Variants in PGBD5 observed in about 807,000 individuals in gnomAD.
PGBD5 encodes piggyBac transposable element derived 5, also known as piggyBac transposable element-derived protein 5.
A neutral mutation model predicts 47.9 loss-of-function variants in PGBD5; 14 were observed. The observed-to-expected ratio is 0.29, with a 90% CI of 0.19 to 0.46. The LOEUF (loss-of-function observed/expected upper bound fraction) is 0.46, where lower values mean the gene tolerates loss of function less well. Ranked by LOEUF, PGBD5 falls within the 20% of genes least tolerant of loss-of-function variation. PGBD5 has a pLI of 1.00. For synonymous variants in PGBD5, 316 were observed against 306.3 expected, an observed-to-expected ratio of 1.03 and a Z score of -0.33; for missense variants, 635 against 716.0, an observed-to-expected ratio of 0.89 and a Z score of 1.29.
chr1:230,367,784 CG>C (rs2102714811), intron 1 of PGBD5, among the ~76,000 whole-genome samples: 1 of 152,284 alleles, frequency 6.6e-6, no homozygotes, highest in Admixed American at 6.5e-5. Context: ...AAAAACACTC[CG>C]GCATACTCCG....
chr1:230,396,237 CACT>C, intron 1 of PGBD5, among the ~76,000 whole-genome samples: 1 of 10,098 alleles, frequency 9.9e-5, no homozygotes, highest in Non-Finnish European at 1.7e-4. Flanking sequence ...TTTACCCCCA[CACT>C]CCTCCCTTTT....
chr1:230,325,153 G>A (rs1667095167), intron 6 of PGBD5, among the ~76,000 whole-genome samples, 157 bp downstream of exon 6: 1 of 152,194 alleles, frequency 6.6e-6, no homozygotes, highest in Admixed American at 6.5e-5. Flanking sequence ...GCACAGGCGA[G>A]GCCCAGAAGC....
intron 3 of PGBD5, among the ~76,000 whole-genome samples, chr1:230,342,110 C>A (rs1471964986): frequency 6.6e-6 from 1 of 152,166 alleles, no homozygotes; most frequent in Non-Finnish European, 1.5e-5. Flanking sequence ...CCCACGACCT[C>A]CAGAGACAGG....
At chr1:230,350,793 G>A (rs3860331) in intron 3 of PGBD5, among the ~76,000 whole-genome samples, 165 bp downstream of exon 3, 15,443 of 152,260 alleles carry the variant, frequency 0.1, 2,484 homozygotes, top group African/African-American at 0.34. Context: ...TCGGTGAGGA[G>A]GGAGCAGCCC....
intron 5 of PGBD5, among the ~76,000 whole-genome samples, chr1:230,326,505 C>T (rs1253913211): frequency 6.6e-6 from 1 of 152,180 alleles, no homozygotes; most frequent in Non-Finnish European, 1.5e-5. Flanking sequence ...GTCACTCAGG[C>T]TGAAGTGCAG....
chr1:230,333,610 A>G (rs1451972603), intron 4 of PGBD5, among the ~76,000 whole-genome samples: 1 of 152,218 alleles, frequency 6.6e-6, no homozygotes, highest in Admixed American at 6.5e-5. Context: ...CCCAGTGCTG[A>G]GCCAGTCCAC....
intron 1 of PGBD5, among the ~76,000 whole-genome samples, chr1:230,412,387 C>CTTTT (rs34303231): frequency 5.5e-5 from 7 of 127,644 alleles, no homozygotes; most frequent in Admixed American, 2.4e-4. Flanking sequence ...ATCCTAAAGT[C>CTTTT]TTTTTTTTTT....
intron 5 of PGBD5, among the ~76,000 whole-genome samples, chr1:230,331,075 T>G (rs1288424271): frequency 6.6e-6 from 1 of 152,140 alleles, no homozygotes; most frequent in Non-Finnish European, 1.5e-5. Flanking sequence ...CAGATGAATG[T>G]GATGTCCTGC....
chr1:230,360,654 C>T (rs568103308), intron 1 of PGBD5, among the ~76,000 whole-genome samples: 13 of 152,280 alleles, frequency 8.5e-5, no homozygotes, highest in African/African-American at 2.2e-4. Flanking sequence ...CTTCCCCTTC[C>T]GCCATGATTG....
At chr1:230,372,269 A>G (rs1170623875) in intron 1 of PGBD5, among the ~76,000 whole-genome samples, 1 of 152,246 alleles carries the variant, frequency 6.6e-6, no homozygotes, top group Non-Finnish European at 1.5e-5. Context: ...GCCTGTTTAC[A>G]GAGCAGTTTC....
At chr1:230,334,935 G>A (rs1667278523) in intron 4 of PGBD5, among the ~76,000 whole-genome samples, 1 of 151,242 alleles carries the variant, frequency 6.6e-6, no homozygotes, top group Non-Finnish European at 1.5e-5. Flanking sequence ...AGCACACTCA[G>A]CTCTTTGGGA....
intron 1 of PGBD5, among the ~76,000 whole-genome samples, chr1:230,378,869 G>A (rs1243731650): frequency 6.6e-6 from 1 of 152,094 alleles, no homozygotes; most frequent in East Asian, 1.9e-4. Context: ...CTTTCATAAA[G>A]ACACTGATGA....
At chr1:230,338,911 T>C (rs1667368926) in intron 3 of PGBD5, among the ~76,000 whole-genome samples, 1 of 152,238 alleles carries the variant, frequency 6.6e-6, no homozygotes, top group Admixed American at 6.5e-5. Flanking sequence ...CGGTTCCTTT[T>C]CTAGGGCTTT....
At chr1:230,354,701 C>T (rs1445984946) in intron 2 of PGBD5, among the ~76,000 whole-genome samples, 1 of 152,164 alleles carries the variant, frequency 6.6e-6, no homozygotes, top group African/African-American at 2.4e-5. Flanking sequence ...TTCTCTGCTC[C>T]CTTCGGGTCT....
intron 1 of PGBD5, among the ~76,000 whole-genome samples, chr1:230,379,816 CAT>C (rs1181293228): frequency 6.6e-6 from 1 of 152,258 alleles, no homozygotes; most frequent in Non-Finnish European, 1.5e-5. Context: ...GGCACTGACA[CAT>C]GTTGGCTCAT....
At chr1:230,326,933 C>T (rs200293389) in intron 5 of PGBD5, among the ~76,000 whole-genome samples, 3 of 152,120 alleles carry the variant, frequency 2.0e-5, no homozygotes, top group South Asian at 2.1e-4. Context: ...CCAGGGGCAC[C>T]GCAAAGGTCA....
chr1:230,377,015 C>T (rs1397827264), intron 1 of PGBD5, among the ~76,000 whole-genome samples: 1 of 152,134 alleles, frequency 6.6e-6, no homozygotes, highest in Non-Finnish European at 1.5e-5. Flanking sequence ...AGTAAGGGCC[C>T]ACTCACAGAG....
At chr1:230,328,937 ATTTTT>A (rs201709475) in intron 5 of PGBD5, among the ~76,000 whole-genome samples, 1 of 146,986 alleles carries the variant, frequency 6.8e-6, no homozygotes, top group Admixed American at 6.8e-5. Context: ...AGCATTTAAC[ATTTTT>A]TTTTTTTCTT....
rs76717318 is a variant in PGBD5 at position 230,323,979 on chromosome 1, A to G, written c.1380-359T>C. Among the ~76,000 whole-genome samples, 595 of 152,298 alleles carry G rather than the reference A, an allele frequency of 3.9e-3. 8 individuals are homozygous for G. In the East Asian group the frequency reaches 0.051, roughly 13 times the overall value. On this transcript the variant is annotated intron_variant, in intron 6 of 6. Transcript: ENST00000391860. The surrounding 1 kb of genome is among the most constrained non-coding windows in gnomAD (Gnocchi z 4.1). Reference sequence around the variant, plus strand: ...TGCTCCTTGCAAAGCTGTGCTCTGTACGTGCTGTGCAGCTGACACTCCCCC... The same window carrying G: ...TGCTCCTTGCAAAGCTGTGCTCTGTGCGTGCTGTGCAGCTGACACTCCCCC...
Sources: allele counts gnomAD v4.1 joint callset (sites outside exome capture counted in the v4.1 genomes callset), GRCh38; gene constraint gnomAD v4.1.1; non-coding constraint Gnocchi (gnomAD v3.1); transcripts MANE v1.5; gene names NCBI Gene and HGNC (gene_info 2026-07-23, HGNC 2026-07-21).